Variants in DHRS12 observed in about 807,000 individuals in gnomAD.
DHRS12 encodes dehydrogenase/reductase 12.
DHRS12 carries 29 observed loss-of-function variants against 32.1 expected under a neutral mutation model. The observed-to-expected ratio is 0.90, with a 90% CI of 0.67 to 1.23. DHRS12 has a LOEUF of 1.23. Among genes scored for constraint, DHRS12 ranks in the 50% most tolerant of loss-of-function variants. The pLI is 0.00. For missense variants in DHRS12, 330 were observed against 337.2 expected (o/e 0.98, Z 0.17); for synonymous variants, 150 against 135.9 (o/e 1.10, Z -0.72).
chr13:51,789,704 C>A, intron 4 of DHRS12: 1 of 985,456 alleles, frequency 1.0e-6, no homozygotes, highest in Non-Finnish European at 1.2e-6. Context: ...AGTTTTTAGA[C>A]TTGCACTCAA....
chr13:51,770,319 G>A (rs1953953681), intron 7 of DHRS12, among the ~76,000 whole-genome samples: 1 of 152,192 alleles, frequency 6.6e-6, no homozygotes, highest in Non-Finnish European at 1.5e-5. Context: ...CAGGTTGTGT[G>A]CACCTGAGAG....
At chr13:51,768,510 G>C (rs2138863048) in intron 8 of DHRS12, 1 of 1,410,898 alleles carries the variant, frequency 7.1e-7, no homozygotes, top group South Asian at 1.5e-5. Flanking sequence ...GCTGCAGCCA[G>C]GGCTGGACGG....
chr13:51,777,301 C>A, intron 4 of DHRS12, 180 bp from the exon 5 acceptor site: 1 of 627,956 alleles, frequency 1.6e-6, no homozygotes, highest in South Asian at 1.9e-5. Flanking sequence ...TTTCCCAGGA[C>A]TGGAAGAAAG....
At chr13:51,777,627 T>C (rs1954500203) in intron 4 of DHRS12, among the ~76,000 whole-genome samples, 1 of 152,208 alleles carries the variant, frequency 6.6e-6, no homozygotes. Context: ...ATATAACATT[T>C]CTAATGGAAT....
At chr13:51,771,166 C>T (rs925289129) in intron 7 of DHRS12, 8 of 1,538,548 alleles carry the variant, frequency 5.2e-6, no homozygotes, top group South Asian at 3.6e-5. Context: ...TGCGTTAATC[C>T]GCAGACAGCG....
At chr13:51,796,772 G>A (rs749444580) in intron 2 of DHRS12, among the ~76,000 whole-genome samples, 7 of 152,140 alleles carry the variant, frequency 4.6e-5, no homozygotes, top group Non-Finnish European at 7.3e-5. Context: ...CCCGCAGATC[G>A]CAGCGGCACT....
At chr13:51,789,379 T>G (rs547258434) in intron 4 of DHRS12, among the ~76,000 whole-genome samples, 6 of 152,212 alleles carry the variant, frequency 3.9e-5, no homozygotes, top group Non-Finnish European at 8.8e-5. Context: ...ATCTTTAGTG[T>G]GCACCAGAAT....
chr13:51,797,892 C>G, intron 2 of DHRS12: 1 of 1,535,972 alleles, frequency 6.5e-7, no homozygotes, highest in Non-Finnish European at 8.7e-7. Context: ...CTCGACAAAC[C>G]AGGTGAACTG....
intron 7 of DHRS12, chr13:51,770,834 G>C: frequency 9.4e-7 from 1 of 1,065,210 alleles, no homozygotes. Context: ...TTTTTCCATA[G>C]GCATGATTGG....
chr13:51,803,728 A>T, intron 1 of DHRS12: 1 of 233,584 alleles, frequency 4.3e-6, no homozygotes, highest in Non-Finnish European at 8.2e-6. Flanking sequence ...GAGCACACCC[A>T]GCGGGGCGCC....
chr13:51,789,825 A>G, intron 4 of DHRS12, 186 bp downstream of exon 4: 5 of 985,424 alleles, frequency 5.1e-6, no homozygotes, highest in Non-Finnish European at 6.0e-6. Flanking sequence ...AACACCTATT[A>G]TAAGAAACAT....
chr13:51,763,271 A>G (rs1256452962), downstream of DHRS12: 1 of 152,190 alleles, frequency 6.6e-6, no homozygotes, highest in Non-Finnish European at 1.5e-5. Context: ...TGTTCCTCTT[A>G]TCGAAAGCAT....
Position 51,768,151 on chromosome 13 carries a change from A to G in DHRS12, c.*36T>C. ...TAGACCGCACCTTCTGGTATCTTCTAAGGCAATTCTGGTACCGCACTGTGT... is the reference window on the plus strand; with the variant it reads ...TAGACCGCACCTTCTGGTATCTTCTGAGGCAATTCTGGTACCGCACTGTGT... On this transcript the variant is annotated 3_prime_UTR_variant, in exon 9 of 9. Coordinates refer to ENST00000444610, the MANE Select transcript of DHRS12 (RefSeq NM_001377533.1). 1 of 1,535,974 alleles carries G rather than the reference A, an allele frequency of 6.5e-7. No individual in the cohort carries two copies. The highest frequency in any genetic ancestry group is 8.7e-7 in the Non-Finnish European group (1 of 1,146,804).
intron 1 of DHRS12, among the ~76,000 whole-genome samples, chr13:51,800,719 G>T (rs1036926887): frequency 2.6e-5 from 4 of 152,252 alleles, no homozygotes; most frequent in Non-Finnish European, 5.9e-5. Flanking sequence ...CGGGGAAGTG[G>T]CCAAAGGATG....
intron 2 of DHRS12, among the ~76,000 whole-genome samples, chr13:51,793,404 A>C (rs1566303777): frequency 1.3e-5 from 2 of 152,222 alleles, no homozygotes; most frequent in Admixed American, 1.3e-4. Flanking sequence ...GCCCTGCCTG[A>C]GTTTCCCCAT....
At chr13:51,771,585 T>C in intron 7 of DHRS12, 2 of 1,547,538 alleles carry the variant, frequency 1.3e-6, no homozygotes, top group South Asian at 2.5e-5. Context: ...CTGCTCCCGT[T>C]CCCACCATCT....
At chr13:51,769,084 G>A (rs1223592762) in intron 8 of DHRS12, 72 bp downstream of exon 8, 39 of 1,544,282 alleles carry the variant, frequency 2.5e-5, no homozygotes, top group Non-Finnish European at 3.4e-5. Flanking sequence ...CGGAGGGGAA[G>A]GTGCGCCTCG....
chr13:51,801,331 C>T (rs748827920), intron 1 of DHRS12, among the ~76,000 whole-genome samples: 3 of 152,086 alleles, frequency 2.0e-5, no homozygotes, highest in Non-Finnish European at 4.4e-5. Flanking sequence ...GGGTTATAAG[C>T]GCCCGTCACC....
rs1953830297 is a variant in DHRS12 at position 51,768,039 on chromosome 13, A to G, written c.*148T>C. ...GCCTCGGTAGTATTTATTTTGAAAT[A>G]AAAGTTCCCATCCCTTGTAGGCCTC... On this transcript the variant is annotated 3_prime_UTR_variant, in exon 9 of 9. Transcript: ENST00000444610. The G allele has an allele frequency of 2.8e-6, 4 of 1,431,186 alleles. No individual in the cohort carries two copies. In the South Asian group the frequency reaches 4.6e-5, roughly 16 times the overall value. 88.7% of individuals were successfully genotyped at this position (1,431,186 alleles called of 1,614,324 possible).
Sources: gnomAD v4.1 joint callset for allele counts (sites outside exome capture counted in the v4.1 genomes callset) on GRCh38, gnomAD v4.1.1 for gene constraint, MANE v1.5 for transcripts, NCBI Gene and HGNC (gene_info 2026-07-23, HGNC 2026-07-21) for gene names.